OARD1: variants seen among roughly 807,000 people sequenced by gnomAD.
OARD1 encodes the protein O-acyl-ADP-ribose deacylase 1.
In OARD1, 19 loss-of-function variants were observed where a neutral mutation model predicts 19.7. That is an observed-to-expected ratio of 0.96 (90% CI 0.67 to 1.41). The LOEUF is 1.41. Among genes scored for constraint, OARD1 ranks in the 40% most tolerant of loss-of-function variants. The pLI is 0.00. For synonymous variants in OARD1, 70 were observed against 61.8 expected, an observed-to-expected ratio of 1.13 and a Z score of -0.62; for missense variants, 190 against 183.8, an observed-to-expected ratio of 1.03 and a Z score of -0.20.
At position 41,070,067 on chromosome 6, in the gene OARD1, C is replaced by T. The variant is rs767785257; in HGVS notation, c.243+9G>A. 10 of 1,547,080 alleles carry T rather than the reference C, an allele frequency of 6.5e-6. No individual in the cohort carries two copies. The South Asian group carries it at 6.7e-5, about 10-fold the overall frequency. On this transcript the variant is annotated intron_variant, in intron 4 of 5. Coordinates refer to ENST00000424266, the MANE Select transcript of OARD1 (RefSeq NM_001329686.2). ...GCCCTGAAAAAAAAAGGAATTGGCCCCATCTTACCAAGTAATATATATATC... is the reference window on the plus strand; with the variant it reads ...GCCCTGAAAAAAAAAGGAATTGGCCTCATCTTACCAAGTAATATATATATC...
In OARD1 at chr6:41,065,032, AG is replaced by A. The variant is rs1201583222; in HGVS notation, c.*2302del. ...GAATAATGTGTTCACTCTGATTACC[AG>A]GGCATGCCTCCTTTCCTCAGGCTTC... On this transcript the variant is annotated 3_prime_UTR_variant, in exon 6 of 6. Transcript: ENST00000424266. 1 of 152,032 alleles carries A rather than the reference AG, an allele frequency of 6.6e-6. No homozygotes were observed. 9.4% of individuals were successfully genotyped at this position (152,032 alleles called of 1,614,324 possible). A position where few individuals can be genotyped will look rare whatever the true frequency, so the allele number is the denominator to read the frequency against.
chr6:41,070,566 G>C (rs1763284551), intron 3 of OARD1, among the ~76,000 whole-genome samples: 1 of 152,212 alleles, frequency 6.6e-6, no homozygotes, highest in Admixed American at 6.5e-5. Flanking sequence ...AATTATTACA[G>C]AGTTTTCAAT....
At chr6:41,086,517 TAGG>T (rs1320386633) in intron 1 of OARD1, among the ~76,000 whole-genome samples, 4 of 149,494 alleles carry the variant, frequency 2.7e-5, no homozygotes, top group Non-Finnish European at 4.5e-5. Context: ...CCCCTTTGTA[TAGG>T]AGTTTTTTTT....
At chr6:41,078,252 TGAG>T (rs1763794314) in intron 1 of OARD1, among the ~76,000 whole-genome samples, 1 of 152,216 alleles carries the variant, frequency 6.6e-6, no homozygotes, top group Non-Finnish European at 1.5e-5. Context: ...CACACTGTAT[TGAG>T]ACACCTTGCA....
At chr6:41,077,293 A>G (rs1238669205), upstream of OARD1, among the ~76,000 whole-genome samples, 2 of 152,140 alleles carry the variant, frequency 1.3e-5, no homozygotes, top group Non-Finnish European at 2.9e-5. Flanking sequence ...AGTTTTGACA[A>G]ATTTGTACAC....
intron 1 of OARD1, among the ~76,000 whole-genome samples, chr6:41,096,403 G>A (rs1764359309): frequency 6.6e-6 from 1 of 152,172 alleles, no homozygotes; most frequent in Non-Finnish European, 1.5e-5. Context: ...TCCTCATTCT[G>A]TGTGCTAACA....
Position 41,068,900 on chromosome 6 carries a change from A to T in OARD1, c.297T>A (p.Ser99Arg), listed in dbSNP as rs778595425. The change falls in exon 5 of 6, where the codon AGT becomes AGA. Residue 99 changes from serine to arginine, a missense_variant. Transcript: ENST00000424266. ...GACAATGAGACTTCATTGCCTCTAAACTCTTCTGTAAGTTTTCATAAGTTG... is the reference window on the plus strand; with the variant it reads ...GACAATGAGACTTCATTGCCTCTAATCTCTTCTGTAAGTTTTCATAAGTTG... The part of the protein sequence containing the change: ...HKPTYENLQK[S>R]LEAMKSHCLK... 1.2e-6 allele frequency: 2 copies of T among 1,610,480 alleles called. No homozygotes were observed. Among genetic ancestry groups the T allele is most frequent in the East Asian group, 4.5e-5 (2 of 44,716 alleles).
At chr6:41,083,879 T>C (rs1306409368) in intron 1 of OARD1, among the ~76,000 whole-genome samples, 1 of 152,254 alleles carries the variant, frequency 6.6e-6, no homozygotes, top group East Asian at 1.9e-4. Flanking sequence ...GTAACAGGAT[T>C]CATAGATATT....
intron 1 of OARD1, among the ~76,000 whole-genome samples, chr6:41,085,076 T>C (rs1764008174): frequency 1.3e-5 from 2 of 152,188 alleles, no homozygotes; most frequent in South Asian, 4.1e-4. Flanking sequence ...AAAAAGTCAT[T>C]ATATCCACTG....
intron 5 of OARD1, 82 bp from the exon 6 acceptor site, chr6:41,067,519 A>G (rs1763079530): frequency 1.1e-6 from 1 of 916,098 alleles, no homozygotes; most frequent in African/African-American, 1.7e-5. Context: ...TATCCACTCA[A>G]AGCATAAAAA....
chr6:41,071,993 T>C (rs548955365), intron 1 of OARD1, among the ~76,000 whole-genome samples: 66 of 152,284 alleles, frequency 4.3e-4, no homozygotes, highest in African/African-American at 1.6e-3. Context: ...TTTAGGACGG[T>C]CTCCTTTTCT....
intron 5 of OARD1, among the ~76,000 whole-genome samples, 167 bp from the exon 6 acceptor site, chr6:41,067,604 G>A (rs747676373): frequency 9.2e-5 from 14 of 152,170 alleles, no homozygotes; most frequent in East Asian, 1.9e-4. Flanking sequence ...GTGAGTCACC[G>A]AAGACCATTC....
chr6:41,087,284 CA>C (rs1340843825), intron 1 of OARD1, among the ~76,000 whole-genome samples: 2 of 152,160 alleles, frequency 1.3e-5, no homozygotes, highest in Non-Finnish European at 2.9e-5. Context: ...AAGACCTAGG[CA>C]ATCTATCCCC....
intron 1 of OARD1, among the ~76,000 whole-genome samples, chr6:41,090,546 C>T (rs1440618428): frequency 1.3e-5 from 2 of 152,058 alleles, no homozygotes; most frequent in Non-Finnish European, 2.9e-5. Flanking sequence ...ATTGTGTAAG[C>T]TTTTAGGGAA....
In OARD1 at chr6:41,065,208, A is replaced by G. The variant is rs1762959306; in HGVS notation, c.*2127T>C. ...TCTAAAGAATCAAGGCTCAAACGCCAAGAAAAAAATAATAATAATAACCAT... is the reference window on the plus strand; with the variant it reads ...TCTAAAGAATCAAGGCTCAAACGCCGAGAAAAAAATAATAATAATAACCAT... On this transcript the variant is annotated 3_prime_UTR_variant, in exon 6 of 6. Transcript: ENST00000424266. The G allele has an allele frequency of 1.3e-5, 2 of 152,188 alleles. No individual in the cohort carries two copies. Among genetic ancestry groups the G allele is most frequent in the African/African-American group, 2.4e-5 (1 of 41,446 alleles). The allele number at this position is 152,188 out of a possible 1,614,324, so 9.4% of individuals were successfully genotyped here.
intron 1 of OARD1, among the ~76,000 whole-genome samples, 152 bp downstream of exon 1, chr6:41,072,084 G>A (rs749956985): frequency 4.6e-5 from 7 of 152,216 alleles, no homozygotes; most frequent in South Asian, 2.1e-4. Flanking sequence ...CCGTTAAGCC[G>A]CAACCACAGA....
At chr6:41,093,299 C>T (rs1014526864) in intron 1 of OARD1, among the ~76,000 whole-genome samples, 7 of 152,106 alleles carry the variant, frequency 4.6e-5, no homozygotes, top group East Asian at 1.9e-4. Flanking sequence ...AGATGTTATT[C>T]CTTTTCATAC....
At chr6:41,091,910 T>C (rs1172576407) in intron 1 of OARD1, among the ~76,000 whole-genome samples, 1 of 152,174 alleles carries the variant, frequency 6.6e-6, no homozygotes, top group African/African-American at 2.4e-5. Flanking sequence ...TTCTAGATGC[T>C]GGAGATAAAG....
chr6:41,084,193 G>A, intron 1 of OARD1: 1 of 1,613,600 alleles, frequency 6.2e-7, no homozygotes, highest in Non-Finnish European at 8.5e-7. Context: ...TTTGCAGCAA[G>A]TGAGTAATAT....
Sources: allele counts gnomAD v4.1 joint callset (sites outside exome capture counted in the v4.1 genomes callset), GRCh38; gene constraint gnomAD v4.1.1; transcripts MANE v1.5; gene names NCBI Gene and HGNC (gene_info 2026-07-23, HGNC 2026-07-21).